ITGA9: variants seen among roughly 807,000 people sequenced by gnomAD.
ITGA9 encodes the protein integrin subunit alpha 9, also known as integrin alpha-9.
Under a neutral mutation model 127.8 loss-of-function variants are expected in ITGA9, and 56 were observed. The observed-to-expected ratio is 0.44, with a 90% CI of 0.35 to 0.55. The LOEUF (loss-of-function observed/expected upper bound fraction) is 0.55, where lower values mean the gene tolerates loss of function less well. Ranked by LOEUF, ITGA9 falls within the 20% of genes least tolerant of loss-of-function variation. ITGA9 has a pLI of 0.00. For missense variants in ITGA9, 1,196 were observed against 1,347.1 expected (o/e 0.89, Z 1.76); for synonymous variants, 508 against 514.5 (o/e 0.99, Z 0.17).
intron 23 of ITGA9, among the ~76,000 whole-genome samples, chr3:37,756,668 T>C (rs922485058): frequency 6.6e-6 from 1 of 152,192 alleles, no homozygotes; most frequent in Non-Finnish European, 1.5e-5. Flanking sequence ...AACTAATTTA[T>C]ATGGAGTAAT....
At chr3:37,564,890 C>G (rs1426358344) in intron 15 of ITGA9, among the ~76,000 whole-genome samples, 1 of 152,124 alleles carries the variant, frequency 6.6e-6, no homozygotes, top group Admixed American at 6.5e-5. Context: ...GAAACACCAA[C>G]CCTTAGGAAA....
Position 37,674,257 on chromosome 3 carries a change from A to G in ITGA9, c.1917-9608A>G, listed in dbSNP as rs7643849. Among the ~76,000 whole-genome samples, 1,032 of 152,354 alleles carry G rather than the reference A, an allele frequency of 6.8e-3. 15 individuals are homozygous for G. The highest frequency in any genetic ancestry group is 0.023 in the African/African-American group (971 of 41,570). ...CAGGGGACTTTGGAATAACTCTCAGATATGGCAGTAGACTTAACTGTAAAA... is the reference window on the plus strand; with the variant it reads ...CAGGGGACTTTGGAATAACTCTCAGGTATGGCAGTAGACTTAACTGTAAAA... On this transcript the variant is annotated intron_variant, in intron 17 of 27. Coordinates refer to ENST00000264741, the MANE Select transcript of ITGA9 (RefSeq NM_002207.3).
At chr3:37,601,347 A>G (rs1699920761) in intron 15 of ITGA9, among the ~76,000 whole-genome samples, 1 of 152,220 alleles carries the variant, frequency 6.6e-6, no homozygotes, top group Non-Finnish European at 1.5e-5. Context: ...AGTCTCTGGA[A>G]AAGAGCTCCT....
chr3:37,466,480 T>C (rs1698372146), intron 1 of ITGA9, among the ~76,000 whole-genome samples: 1 of 15,270 alleles, frequency 6.5e-5, no homozygotes, highest in Non-Finnish European at 1.2e-4. Flanking sequence ...CAAGACACCA[T>C]CTCAAAAAAA....
intron 18 of ITGA9, among the ~76,000 whole-genome samples, chr3:37,728,137 T>C (rs569095312): frequency 3.9e-5 from 6 of 152,298 alleles, no homozygotes; most frequent in African/African-American, 1.4e-4. Flanking sequence ...AATGCTAATG[T>C]TAAGTTCTCT....
intron 18 of ITGA9, among the ~76,000 whole-genome samples, chr3:37,723,238 A>G (rs1020785582): frequency 6.6e-6 from 1 of 152,136 alleles, no homozygotes; most frequent in Non-Finnish European, 1.5e-5. Flanking sequence ...ATGATTTAAA[A>G]TATTCTCATC....
chr3:37,808,070 A>C (rs2125564262), intron 27 of ITGA9: 1 of 152,204 alleles, frequency 6.6e-6, no homozygotes, highest in East Asian at 1.9e-4. Flanking sequence ...CAACAGAAGG[A>C]AGCCCCTTCT....
chr3:37,791,311 T>G (rs934262441), intron 26 of ITGA9, among the ~76,000 whole-genome samples: 38 of 152,154 alleles, frequency 2.5e-4, no homozygotes, highest in Non-Finnish European at 2.1e-4. Flanking sequence ...AACTTGTAAG[T>G]CCACAGATGA....
chr3:37,474,564 T>C (rs1320107038), intron 3 of ITGA9, among the ~76,000 whole-genome samples: 1 of 152,232 alleles, frequency 6.6e-6, no homozygotes, highest in Non-Finnish European at 1.5e-5. Flanking sequence ...TGTACACTTA[T>C]GCATCCCCAT....
In ITGA9 at chr3:37,572,130, A is replaced by G. The variant is rs1699607993; in HGVS notation, c.1689+29545A>G. 2.0e-5 allele frequency among the ~76,000 whole-genome samples: 3 copies of G among 152,144 alleles called. No homozygotes were observed. In the South Asian group the frequency reaches 6.2e-4, roughly 32 times the overall value. ...TGGATCCTGCCCTGTAAACATGCCC[A>G]GGGGTCTCTGAGGATGGATGCGTGT... On this transcript the variant is annotated intron_variant, in intron 15 of 27. Coordinates refer to ENST00000264741, the MANE Select transcript of ITGA9 (RefSeq NM_002207.3).
intron 13 of ITGA9, among the ~76,000 whole-genome samples, chr3:37,530,738 T>G (rs1410292491): frequency 6.3e-5 from 1 of 15,932 alleles, no homozygotes; most frequent in African/African-American, 2.3e-4. Flanking sequence ...TTTTTTTTTT[T>G]TTTTTTTTTT....
chr3:37,526,147 C>T, intron 13 of ITGA9, 76 bp downstream of exon 13: 6 of 1,248,602 alleles, frequency 4.8e-6, no homozygotes, highest in South Asian at 3.6e-5. Context: ...TTCATGGGCT[C>T]TTTCCTCTGT....
chr3:37,510,370 C>T lies in ITGA9; in HGVS notation c.897+1743C>T, dbSNP rs542478801. ...TATGTTCAGTTGTAGCTGTGCCCCCCCAAACTGCTTTTCCTTCCCTGCCCT... is the reference window on the plus strand; with the variant it reads ...TATGTTCAGTTGTAGCTGTGCCCCCTCAAACTGCTTTTCCTTCCCTGCCCT... On this transcript the variant is annotated intron_variant, in intron 8 of 27. Transcript: ENST00000264741. Among the ~76,000 whole-genome samples, 119 of 152,234 alleles carry T rather than the reference C, an allele frequency of 7.8e-4. 2 individuals carry two copies. In the South Asian group the frequency reaches 0.014, roughly 18 times the overall value.
chr3:37,648,715 G>A (rs1355122279), intron 16 of ITGA9, among the ~76,000 whole-genome samples: 1 of 151,912 alleles, frequency 6.6e-6, no homozygotes, highest in Non-Finnish European at 1.5e-5. Flanking sequence ...GAAATGAAAG[G>A]ACACTAAATA....
chr3:37,771,743 G>A (rs928658927), intron 23 of ITGA9, among the ~76,000 whole-genome samples: 3 of 152,146 alleles, frequency 2.0e-5, no homozygotes, highest in African/African-American at 7.2e-5. Flanking sequence ...CCAAGAGACT[G>A]TGCAGAATAG....
chr3:37,749,005 TG>T, intron 22 of ITGA9: 1 of 459,890 alleles, frequency 2.2e-6, no homozygotes, highest in Non-Finnish European at 3.8e-6. Context: ...AATTTCTTAT[TG>T]CTGCTGTAAC....
At chr3:37,635,144 A>G (rs1047261569) in intron 16 of ITGA9, among the ~76,000 whole-genome samples, 6 of 152,236 alleles carry the variant, frequency 3.9e-5, no homozygotes, top group East Asian at 3.8e-4. Context: ...GAAATATTCT[A>G]TCTGAAGTAG....
intron 15 of ITGA9, among the ~76,000 whole-genome samples, chr3:37,598,375 C>T (rs544745724): frequency 6.6e-6 from 1 of 152,140 alleles, no homozygotes; most frequent in East Asian, 1.9e-4. Context: ...GGGATGGTGC[C>T]AGGGAGCTCT....
intron 18 of ITGA9, among the ~76,000 whole-genome samples, chr3:37,701,037 G>T (rs1056761000): frequency 5.9e-5 from 9 of 152,180 alleles, no homozygotes; most frequent in Admixed American, 5.9e-4. Flanking sequence ...CATCACTGAG[G>T]AACAGCCTAT....
Sources: allele counts gnomAD v4.1 joint callset (sites outside exome capture counted in the v4.1 genomes callset), GRCh38; gene constraint gnomAD v4.1.1; transcripts MANE v1.5; gene names NCBI Gene and HGNC (gene_info 2026-07-23, HGNC 2026-07-21).